Variants in PCDHGA12 observed in about 807,000 individuals in gnomAD.
PCDHGA12 encodes protocadherin gamma subfamily A, 12, also known as protocadherin gamma-A12.
PCDHGA12 carries 43 observed loss-of-function variants against 61.1 expected under a neutral mutation model. That is an observed-to-expected ratio of 0.70 (90% confidence interval 0.55 to 0.91). PCDHGA12 has a LOEUF of 0.91. PCDHGA12 is among the 40% of genes least tolerant of loss of function. PCDHGA12 has a pLI of 0.00. For synonymous variants in PCDHGA12, 520 were observed against 542.9 expected, an observed-to-expected ratio of 0.96 and a Z score of 0.59; for missense variants, 1,236 against 1,227.7, an observed-to-expected ratio of 1.01 and a Z score of -0.10.
chr5:141,485,577 G>A lies in PCDHGA12; in HGVS notation c.2425-9230G>A. Reference sequence around the variant, plus strand: ...AATGATCACGCCCCCCGTTTTCCGCGGCAGCAGCTGGACTTGGAAATTGGG... The same window carrying A: ...AATGATCACGCCCCCCGTTTTCCGCAGCAGCAGCTGGACTTGGAAATTGGG... On this transcript the variant is annotated intron_variant, in intron 1 of 3. Transcript: ENST00000252085. This position sits in a 1 kb window ranked among gnomAD's most constrained non-coding sequence, Gnocchi z 5.7. 2 of 1,612,500 alleles carry A rather than the reference G, an allele frequency of 1.2e-6. No individual in the cohort carries two copies. Among genetic ancestry groups the A allele is most frequent in the Non-Finnish European group, 8.5e-7 (1 of 1,178,676 alleles).
At chr5:141,467,987 A>G (rs888811899) in intron 1 of PCDHGA12, among the ~76,000 whole-genome samples, 10 of 152,216 alleles carry the variant, frequency 6.6e-5, no homozygotes, top group Non-Finnish European at 8.8e-5. Flanking sequence ...TCAGAAAACC[A>G]CAATTCTTTC....
rs765754054 is a variant in PCDHGA12 at position 141,503,598 on chromosome 5, CA to C, written c.2484-1779del. Among the ~76,000 whole-genome samples, 277 of 65,728 alleles carry C rather than the reference CA, an allele frequency of 4.2e-3. 2 individuals are homozygous for C. The highest frequency in any genetic ancestry group is 0.012 in the Middle Eastern group (1 of 86). The allele number at this position is 65,728 out of a possible 152,430, so 43.1% of individuals were successfully genotyped here. A position where few individuals can be genotyped will look rare whatever the true frequency, so the allele number is the denominator to read the frequency against. ...TGGGTGACAGAGCGAGACTCCAGCT[CA>C]AAAAAAAAAAAAAAAGAAAAAAGAA... On this transcript the variant is annotated intron_variant, in intron 2 of 3. Coordinates refer to ENST00000252085, the MANE Select transcript of PCDHGA12 (RefSeq NM_003735.3).
rs2099411055 is a variant in PCDHGA12, at chr5:141,477,429, C to T, written c.2425-17378C>T. 6.2e-7 allele frequency: 1 copy of T among 1,614,218 alleles called. No individual in the cohort carries two copies. Among genetic ancestry groups the T allele is most frequent in the South Asian group, 1.1e-5 (1 of 91,082 alleles). ...CGAGACGCCGGAACCCCTTCCCTCT[C>T]AGCCCTTACAATAGTGCGTGTTCAA... On this transcript the variant is annotated intron_variant, in intron 1 of 3. Coordinates refer to ENST00000252085, the MANE Select transcript of PCDHGA12 (RefSeq NM_003735.3). The surrounding 1 kb of genome is among the most constrained non-coding windows in gnomAD (Gnocchi z 4.9).
intron 1 of PCDHGA12, among the ~76,000 whole-genome samples, chr5:141,468,758 C>T (rs929005462): frequency 6.6e-5 from 10 of 151,684 alleles, no homozygotes; most frequent in African/African-American, 2.2e-4. Context: ...CCCAGCTACT[C>T]GGGAGGCTGA....
At chr5:141,442,682 T>C (rs1591733469) in intron 1 of PCDHGA12, among the ~76,000 whole-genome samples, 1 of 152,218 alleles carries the variant, frequency 6.6e-6, no homozygotes, top group East Asian at 1.9e-4. Context: ...TGAGGGACAG[T>C]AGTCAGGCAG....
rs752660538 is a variant in PCDHGA12 at position 141,486,495 on chromosome 5, T to C, written c.2425-8312T>C. 1 of 1,614,074 alleles carries C rather than the reference T, an allele frequency of 6.2e-7. No individual in the cohort carries two copies. The highest frequency in any genetic ancestry group is 8.5e-7 in the Non-Finnish European group (1 of 1,179,922). On this transcript the variant is annotated intron_variant, in intron 1 of 3. Transcript: ENST00000252085. The surrounding 1 kb of genome is among the most constrained non-coding windows in gnomAD (Gnocchi z 5.0). ...CCTCCTCTCAGTACCCACAGAACTA[T>C]TTTCCTCAATATTTCAGATGTGAAT...
chr5:141,492,005 C>T (rs1444993907), intron 1 of PCDHGA12: 2 of 642,268 alleles, frequency 3.1e-6, no homozygotes, highest in Admixed American at 7.4e-5. Flanking sequence ...GGGCGATTTC[C>T]GCGGGTGTCG....
rs558730748 is a variant in PCDHGA12, at chr5:141,469,995, G to A, written c.2425-24812G>A. Reference sequence around the variant, plus strand: ...AAAATACAAAAATTAGCTGGTCGTCGTGGCACGCCTGTAATCCCAGCTACT... The same window carrying A: ...AAAATACAAAAATTAGCTGGTCGTCATGGCACGCCTGTAATCCCAGCTACT... On this transcript the variant is annotated intron_variant, in intron 1 of 3. Coordinates refer to ENST00000252085, the MANE Select transcript of PCDHGA12 (RefSeq NM_003735.3). Among the ~76,000 whole-genome samples, 8 of 152,194 alleles carry A rather than the reference G, an allele frequency of 5.3e-5. No homozygotes were observed. In the East Asian group the frequency reaches 5.8e-4, roughly 11 times the overall value.
intron 1 of PCDHGA12, chr5:141,479,712 C>T (rs1488849933): frequency 6.6e-6 from 1 of 152,216 alleles, no homozygotes; most frequent in Non-Finnish European, 1.5e-5. Flanking sequence ...CCCTGTCCTT[C>T]CAGCCTTATT....
Position 141,432,757 on chromosome 5 carries a change from C to T in PCDHGA12, c.1998C>T (p.Asp666=). The change falls in exon 1 of 4, where the codon GAC becomes GAT. Residue 666 remains aspartate (D), a synonymous_variant. Coordinates refer to ENST00000252085, the MANE Select transcript of PCDHGA12 (RefSeq NM_003735.3). This position sits in a 1 kb window ranked among gnomAD's most constrained non-coding sequence, Gnocchi z 6.0. ...TCACGCTCACCGTGGCCGTGGCCGA[C>T]AGCATCCCCCAAGTCCTGGCGGACC... is the stretch of plus-strand genomic sequence containing the variant. ...ATVTLTVAVA[D]SIPQVLADLG... 1.2e-6 allele frequency: 2 copies of T among 1,614,150 alleles called. No individual in the cohort carries two copies. Among genetic ancestry groups the T allele is most frequent in the African/African-American group, 1.3e-5 (1 of 75,076 alleles).
Position 141,432,082 on chromosome 5 carries a change from C to G in PCDHGA12, c.1323C>G (p.Asn441Lys). The G allele has an allele frequency of 1.2e-6, 2 of 1,614,184 alleles. No individual in the cohort carries two copies. The highest frequency in any genetic ancestry group is 1.7e-6 in the Non-Finnish European group (2 of 1,180,028). Residue 441 changes from asparagine (N) to lysine (K), a missense_variant, in exon 1 of 4, where the codon AAC (asparagine) becomes AAG (lysine). Asn to Lys is a moderately conservative substitution (Grantham distance 94). Coordinates refer to ENST00000252085, the MANE Select transcript of PCDHGA12 (RefSeq NM_003735.3). This position sits in a 1 kb window ranked among gnomAD's most constrained non-coding sequence, Gnocchi z 6.0. ...PLSTETHISL[N>K]VADTNDNPPV... Reference sequence around the variant, plus strand: ...CCACGGAAACTCATATCTCGCTGAACGTGGCAGACACCAACGACAACCCGC... The same window carrying G: ...CCACGGAAACTCATATCTCGCTGAAGGTGGCAGACACCAACGACAACCCGC...
At position 141,487,137 on chromosome 5, in the gene PCDHGA12, T is replaced by A. The variant is rs2154580779; in HGVS notation, c.2425-7670T>A. ...GTAAAGGATAGTGGTAGTCCACCAC[T>A]CTCTACCTCTGTTACTCTCTTAGTG... On this transcript the variant is annotated intron_variant, in intron 1 of 3. Coordinates refer to ENST00000252085, the MANE Select transcript of PCDHGA12 (RefSeq NM_003735.3). The surrounding 1 kb of genome is among the most constrained non-coding windows in gnomAD (Gnocchi z 5.0). 1.9e-6 allele frequency: 3 copies of A among 1,614,092 alleles called. No individual in the cohort carries two copies. The East Asian group carries it at 6.7e-5, about 36-fold the overall frequency.
At chr5:141,504,288 GT>G (rs1175142876) in intron 2 of PCDHGA12, among the ~76,000 whole-genome samples, 1 of 152,124 alleles carries the variant, frequency 6.6e-6, no homozygotes, top group Non-Finnish European at 1.5e-5. Flanking sequence ...ATCATTTCAT[GT>G]TTTTTCAACA....
chr5:141,485,511 C>G lies in PCDHGA12; in HGVS notation c.2425-9296C>G, dbSNP rs1168331122. The G allele has an allele frequency of 1.2e-6, 2 of 1,614,042 alleles. No individual in the cohort carries two copies. Among genetic ancestry groups the G allele is most frequent in the Non-Finnish European group, 1.7e-6 (2 of 1,180,038 alleles). On this transcript the variant is annotated intron_variant, in intron 1 of 3. Transcript: ENST00000252085. The surrounding 1 kb of genome is among the most constrained non-coding windows in gnomAD (Gnocchi z 5.7). Reference sequence around the variant, plus strand: ...CCCCTGGAGTTTGTCACCGAAGGTCCTTTGGAAATGTACCGAGCAGAGGTA... The same window carrying G: ...CCCCTGGAGTTTGTCACCGAAGGTCGTTTGGAAATGTACCGAGCAGAGGTA...
chr5:141,438,631 TATATACACACAC>T (rs1290318462), intron 1 of PCDHGA12, among the ~76,000 whole-genome samples: 214 of 43,192 alleles, frequency 5.0e-3, no homozygotes, highest in Non-Finnish European at 6.1e-3. Flanking sequence ...TATATATATA[TATATACACACAC>T]ACACACACAT....
intron 2 of PCDHGA12, among the ~76,000 whole-genome samples, chr5:141,502,625 T>G (rs2099815384): frequency 6.6e-6 from 1 of 152,210 alleles, no homozygotes; most frequent in Admixed American, 6.5e-5. Context: ...ATAAGTAATC[T>G]GTGGATGATA....
At chr5:141,463,401 A>T (rs57406832) in intron 1 of PCDHGA12, among the ~76,000 whole-genome samples, 25,027 of 149,108 alleles carry the variant, frequency 0.17, 2,158 homozygotes, top group South Asian at 0.22. Context: ...GGCAAAAAAA[A>T]TGGAGATCCT....
At chr5:141,456,687 A>G (rs1053490307) in intron 1 of PCDHGA12, among the ~76,000 whole-genome samples, 1 of 152,156 alleles carries the variant, frequency 6.6e-6, no homozygotes. Context: ...ATTACTGGCC[A>G]GGCGTGGTGG....
rs1431906047 is a variant in PCDHGA12, at chr5:141,485,858, C to T, written c.2425-8949C>T. On this transcript the variant is annotated intron_variant, in intron 1 of 3. Transcript: ENST00000252085. This position sits in a 1 kb window ranked among gnomAD's most constrained non-coding sequence, Gnocchi z 5.7. ...GCCGAGATCTGGCACCGCAGAGCTC[C>T]GGGTATCCGTGCTGGACGTAAACGA... The T allele has an allele frequency of 1.9e-6, 3 of 1,614,162 alleles. No individual in the cohort carries two copies. The highest frequency in any genetic ancestry group is 2.5e-6 in the Non-Finnish European group (3 of 1,180,028).
Sources: allele counts gnomAD v4.1 joint callset (sites outside exome capture counted in the v4.1 genomes callset), GRCh38; gene constraint gnomAD v4.1.1; non-coding constraint Gnocchi (gnomAD v3.1); transcripts MANE v1.5; gene names NCBI Gene and HGNC (gene_info 2026-07-23, HGNC 2026-07-21).